The following PCDHGB2 variants were observed in gnomAD, a reference collection of about 807,000 sequenced individuals.
PCDHGB2 encodes the protein protocadherin gamma subfamily B, 2, also known as protocadherin gamma-B2.
PCDHGB2 carries 55 observed loss-of-function variants against 59.3 expected under a neutral mutation model. The observed-to-expected ratio is 0.93, with a 90% CI of 0.75 to 1.16. The LOEUF (loss-of-function observed/expected upper bound fraction) is 1.16. Among genes scored for constraint, PCDHGB2 ranks in the 50% most tolerant of loss-of-function variants. The pLI, the probability that PCDHGB2 is intolerant of heterozygous loss-of-function variation, is 0.00. For synonymous variants in PCDHGB2, 516 were observed against 512.0 expected (o/e 1.01, Z -0.11); for missense variants, 1,228 against 1,198.5 (o/e 1.02, Z -0.36).
intron 1 of PCDHGB2, among the ~76,000 whole-genome samples, chr5:141,442,888 GCTTATCA>G (rs776180931): frequency 8.5e-5 from 13 of 152,204 alleles, no homozygotes; most frequent in Non-Finnish European, 1.8e-4. Flanking sequence ...CAGAATCCCT[GCTTATCA>G]CTTCTCCTTC....
In PCDHGB2 at chr5:141,489,456, G is replaced by A. The variant is rs1468723020; in HGVS notation, c.2422-5351G>A. The A allele has an allele frequency of 1.2e-6, 2 of 1,614,050 alleles. No homozygotes were observed. Among genetic ancestry groups the A allele is most frequent in the Non-Finnish European group, 1.7e-6 (2 of 1,180,016 alleles). ...TGCAATTGGGCTCTGAGGAGAATGG[G>A]CGCTATTTTTCCCTGAGCTTGATGA... On this transcript the variant is annotated intron_variant, in intron 1 of 3. Transcript: ENST00000522605. This position sits in a 1 kb window ranked among gnomAD's most constrained non-coding sequence, Gnocchi z 4.5.
rs371350905 is a variant in PCDHGB2 at position 141,476,860 on chromosome 5, G to A, written c.2422-17947G>A. The A allele has an allele frequency of 6.7e-5, 108 of 1,613,762 alleles. No individual in the cohort carries two copies. The highest frequency in any genetic ancestry group is 1.6e-4 in the East Asian group (7 of 44,884). ...ATGCGCCTGTCTTCAACCAGTCCTT[G>A]TACCGGGCGCGCGTCCTGGAGGATG... is the stretch of plus-strand genomic sequence containing the variant. On this transcript the variant is annotated intron_variant, in intron 1 of 3. Transcript: ENST00000522605. This position sits in a 1 kb window ranked among gnomAD's most constrained non-coding sequence, Gnocchi z 7.6.
intron 1 of PCDHGB2, among the ~76,000 whole-genome samples, chr5:141,488,544 C>G (rs1225754325): frequency 6.6e-6 from 1 of 152,166 alleles, no homozygotes; most frequent in African/African-American, 2.4e-5. Flanking sequence ...AGTCCCATGT[C>G]AGCTGACATT....
chr5:141,418,754 G>A (rs748707880), intron 1 of PCDHGB2: 1 of 1,613,926 alleles, frequency 6.2e-7, no homozygotes, highest in South Asian at 1.1e-5. Context: ...TTACACTACA[G>A]GAAACATTCT....
At position 141,505,489 on chromosome 5, in the gene PCDHGB2, G is replaced by A. The variant is rs759637750; in HGVS notation, c.2569+8G>A. On this transcript the variant is annotated splice_region_variant and intron_variant, in intron 3 of 3. Coordinates refer to ENST00000522605, the MANE Select transcript of PCDHGB2 (RefSeq NM_018923.3). ...TCTTGGCGTCCGCCAGTGGTAAGTG[G>A]TGTCAGTGTGTGTATGGAAGAGTGG... The A allele has an allele frequency of 6.2e-7, 1 of 1,614,218 alleles. No homozygotes were observed. The highest frequency in any genetic ancestry group is 1.7e-5 in the Admixed American group (1 of 60,032).
intron 1 of PCDHGB2, among the ~76,000 whole-genome samples, chr5:141,484,454 G>A (rs932663778): frequency 6.6e-6 from 1 of 152,212 alleles, no homozygotes; most frequent in African/African-American, 2.4e-5. Context: ...AATTGGCTAC[G>A]TTAATGTGTA....
At position 141,394,369 on chromosome 5, in the gene PCDHGB2, C is replaced by T. The variant is rs183754735; in HGVS notation, c.2421+31813C>T. On this transcript the variant is annotated intron_variant, in intron 1 of 3. Transcript: ENST00000522605. Reference sequence around the variant, plus strand: ...ACCGGTGTCCTGTATGCGCTGCAATCTTTCGACTATGAGCAGATCCGAGAC... The same window carrying T: ...ACCGGTGTCCTGTATGCGCTGCAATTTTTCGACTATGAGCAGATCCGAGAC... 3.7e-5 allele frequency: 59 copies of T among 1,614,206 alleles called. No homozygotes were observed. Among genetic ancestry groups the T allele is most frequent in the Middle Eastern group, 1.6e-4 (1 of 6,062 alleles).
chr5:141,364,778 A>T, intron 1 of PCDHGB2: 2 of 1,614,006 alleles, frequency 1.2e-6, no homozygotes, highest in Non-Finnish European at 1.7e-6. Context: ...GGCTGCAGGG[A>T]CACGGTTAGT....
chr5:141,383,038 G>C, intron 1 of PCDHGB2: 1 of 1,613,858 alleles, frequency 6.2e-7, no homozygotes, highest in Non-Finnish European at 8.5e-7. Flanking sequence ...CTTTGTGGGA[G>C]ACATCGCCAA....
intron 1 of PCDHGB2, chr5:141,405,289 C>G (rs1206637203): frequency 1.7e-5 from 28 of 1,614,070 alleles, no homozygotes; most frequent in Non-Finnish European, 2.4e-5. Context: ...CAGACACACT[C>G]ATCAGCCAGC....
At chr5:141,403,075 G>A (rs1188549930) in intron 1 of PCDHGB2, 5 of 1,613,968 alleles carry the variant, frequency 3.1e-6, no homozygotes, top group Non-Finnish European at 4.2e-6. Flanking sequence ...AGACAGAAAA[G>A]GGCTATATTG....
In PCDHGB2 at chr5:141,476,584, C is replaced by G. The variant is rs140544807; in HGVS notation, c.2422-18223C>G. ...TGGCTCCGGGGACGCGCTTTCCGCTCGAGAGCGCGCACGATCCCGATGTGG... is the reference window on the plus strand; with the variant it reads ...TGGCTCCGGGGACGCGCTTTCCGCTGGAGAGCGCGCACGATCCCGATGTGG... On this transcript the variant is annotated intron_variant, in intron 1 of 3. Coordinates refer to ENST00000522605, the MANE Select transcript of PCDHGB2 (RefSeq NM_018923.3). This position sits in a 1 kb window ranked among gnomAD's most constrained non-coding sequence, Gnocchi z 7.6. 1.2e-5 allele frequency: 19 copies of G among 1,614,100 alleles called. No homozygotes were observed. The African/African-American group carries it at 2.3e-4, about 19-fold the overall frequency.
intron 1 of PCDHGB2, among the ~76,000 whole-genome samples, chr5:141,451,073 C>A (rs1346074089): frequency 6.6e-6 from 1 of 151,958 alleles, no homozygotes; most frequent in Non-Finnish European, 1.5e-5. Flanking sequence ...TGTGATCCAC[C>A]CACCTTGACC....
intron 1 of PCDHGB2, among the ~76,000 whole-genome samples, chr5:141,458,500 T>G (rs2098947037): frequency 6.6e-6 from 1 of 151,442 alleles, no homozygotes; most frequent in Admixed American, 6.6e-5. Context: ...CTGTACATAC[T>G]GTTTGACACT....
Position 141,485,666 on chromosome 5 carries a change from A to C in PCDHGB2, c.2422-9141A>C. 1.2e-6 allele frequency: 2 copies of C among 1,612,786 alleles called. No homozygotes were observed. Among genetic ancestry groups the C allele is most frequent in the Non-Finnish European group, 1.7e-6 (2 of 1,178,960 alleles). ...GGCTCAGGATGCAGATGTGGGGAGCAATTCGATTAGCAGCTATAGGCTGAG... is the reference window on the plus strand; with the variant it reads ...GGCTCAGGATGCAGATGTGGGGAGCCATTCGATTAGCAGCTATAGGCTGAG... On this transcript the variant is annotated intron_variant, in intron 1 of 3. Transcript: ENST00000522605. This position sits in a 1 kb window ranked among gnomAD's most constrained non-coding sequence, Gnocchi z 5.7.
At chr5:141,370,956 G>A in intron 1 of PCDHGB2, 1 of 1,613,992 alleles carries the variant, frequency 6.2e-7, no homozygotes, top group South Asian at 1.1e-5. Flanking sequence ...GAACCTGGAT[G>A]GCAGTAGGTA....
rs2099749632 is a variant in PCDHGB2, at chr5:141,493,698, C to T, written c.2422-1109C>T. The stretch of plus-strand genomic sequence containing the variant: ...AGAATGGTGCTGGTGACTCCCGATA[C>T]ACCTGGAATGCTAGGTTTCTGGGTT... On this transcript the variant is annotated intron_variant, in intron 1 of 3. Transcript: ENST00000522605. This position sits in a 1 kb window ranked among gnomAD's most constrained non-coding sequence, Gnocchi z 4.3. Among the ~76,000 whole-genome samples the T allele has an allele frequency of 6.6e-6, 1 of 152,208 alleles. No individual in the cohort carries two copies. Among genetic ancestry groups the T allele is most frequent in the Non-Finnish European group, 1.5e-5 (1 of 68,034 alleles).
At chr5:141,412,441 G>C (rs1334085357) in intron 1 of PCDHGB2, 1 of 152,124 alleles carries the variant, frequency 6.6e-6, no homozygotes, top group African/African-American at 2.4e-5. Flanking sequence ...GTTAATTAAG[G>C]CTCAGTAAAA....
intron 1 of PCDHGB2, among the ~76,000 whole-genome samples, chr5:141,425,504 T>A (rs1049969153): frequency 2.6e-5 from 4 of 152,260 alleles, no homozygotes; most frequent in Non-Finnish European, 5.9e-5. Flanking sequence ...TACCTTTATA[T>A]TCTCTTTATG....
Sources: allele counts gnomAD v4.1 joint callset (sites outside exome capture counted in the v4.1 genomes callset), GRCh38; gene constraint gnomAD v4.1.1; non-coding constraint Gnocchi (gnomAD v3.1); transcripts MANE v1.5; gene names NCBI Gene and HGNC (gene_info 2026-07-23, HGNC 2026-07-21).